Variants in DPP10 observed in about 807,000 individuals in gnomAD.
The protein encoded by DPP10 is inactive dipeptidyl peptidase 10.
In DPP10, 33 loss-of-function variants were observed where a neutral mutation model predicts 120.9. The ratio of observed to expected loss-of-function variants is 0.27; its 90% CI spans 0.21 to 0.37. The LOEUF is 0.37. Among genes scored for constraint, DPP10 ranks in the 10% least tolerant of loss-of-function variants. The pLI is 1.00. For missense variants in DPP10, 816 were observed against 942.8 expected, an observed-to-expected ratio of 0.87 and a Z score of 1.76; for synonymous variants, 337 against 326.1, an observed-to-expected ratio of 1.03 and a Z score of -0.36.
At chr2:114,957,098 A>T (rs1205531858) in intron 1 of DPP10, among the ~76,000 whole-genome samples, 9 of 152,082 alleles carry the variant, frequency 5.9e-5, no homozygotes, top group African/African-American at 1.9e-4. Context: ...CGTGAAAATA[A>T]AAAGCTTCTG....
At position 115,842,358 on chromosome 2, in the gene DPP10, A is replaced by G; in HGVS notation, c.*13A>G. 1.9e-6 allele frequency: 3 copies of G among 1,611,336 alleles called. No homozygotes were observed. Among genetic ancestry groups the G allele is most frequent in the Non-Finnish European group, 2.5e-6 (3 of 1,178,350 alleles). ...AGAAGATGAATAATGGACTGTATTT[A>G]TACAGAACTGAAGGGAATATTGAGG... On this transcript the variant is annotated 3_prime_UTR_variant, in exon 26 of 26. Transcript: ENST00000410059.
At chr2:114,692,767 A>G (rs1218958538) in intron 1 of DPP10, among the ~76,000 whole-genome samples, 1 of 152,006 alleles carries the variant, frequency 6.6e-6, no homozygotes, top group Non-Finnish European at 1.5e-5. Flanking sequence ...GTGCTCCTGT[A>G]TTGGGTGCAT....
intron 5 of DPP10, among the ~76,000 whole-genome samples, chr2:115,665,187 G>T (rs1419791829): frequency 6.6e-6 from 1 of 152,144 alleles, no homozygotes; most frequent in Non-Finnish European, 1.5e-5. Context: ...GTAATTAGTA[G>T]TGTCTCATGG....
chr2:115,043,382 C>T (rs943188590), intron 1 of DPP10, among the ~76,000 whole-genome samples: 1 of 152,118 alleles, frequency 6.6e-6, no homozygotes. Flanking sequence ...AGAGAGAGAC[C>T]TCATGGTTTT....
intron 21 of DPP10, among the ~76,000 whole-genome samples, chr2:115,828,922 T>C (rs1688652056): frequency 1.3e-5 from 2 of 152,178 alleles, no homozygotes; most frequent in Admixed American, 1.3e-4. Flanking sequence ...TATGAACATA[T>C]ATATTTGTTT....
At chr2:115,435,041 C>T (rs2071359627) in intron 3 of DPP10, among the ~76,000 whole-genome samples, 1 of 76,676 alleles carries the variant, frequency 1.3e-5, no homozygotes, top group Non-Finnish European at 2.7e-5. Context: ...TATTTCTATA[C>T]ACATGCACAC....
intron 3 of DPP10, chr2:115,468,482 T>A (rs2074472307): frequency 2.3e-6 from 1 of 434,894 alleles, no homozygotes; most frequent in Non-Finnish European, 4.6e-6. Context: ...ACCTGCTTAC[T>A]ATTGCTCTGT....
intron 1 of DPP10, among the ~76,000 whole-genome samples, chr2:114,976,539 G>A (rs374121382): frequency 2.6e-5 from 4 of 152,110 alleles, no homozygotes; most frequent in African/African-American, 9.7e-5. Flanking sequence ...TAATGTAACT[G>A]GAAATAACAC....
chr2:115,614,202 G>A (rs1018365725), intron 5 of DPP10, among the ~76,000 whole-genome samples: 4 of 152,140 alleles, frequency 2.6e-5, no homozygotes, highest in Non-Finnish European at 4.4e-5. Context: ...TTATTTTAGA[G>A]ACCAGCTCTC....
rs572852833 is a variant in DPP10, at chr2:115,455,969, G to A, written c.272-43541G>A. 5.3e-5 allele frequency among the ~76,000 whole-genome samples: 8 copies of A among 152,170 alleles called. 1 individual carries two copies. The South Asian group carries it at 1.7e-3, about 32-fold the overall frequency. On this transcript the variant is annotated intron_variant, in intron 3 of 25. Transcript: ENST00000410059. Reference sequence around the variant, plus strand: ...AACAAAAGCCACAATTGACAAATGGGATCTAACTAAACTAAAGAGTTTCTG... The same window carrying A: ...AACAAAAGCCACAATTGACAAATGGAATCTAACTAAACTAAAGAGTTTCTG...
chr2:115,366,355 C>T (rs1287075100), intron 3 of DPP10, among the ~76,000 whole-genome samples: 2 of 152,046 alleles, frequency 1.3e-5, no homozygotes, highest in African/African-American at 2.4e-5. Flanking sequence ...ACCACTGCTG[C>T]TATTGAAATT....
chr2:115,376,855 T>C (rs2065841942), intron 3 of DPP10, among the ~76,000 whole-genome samples: 1 of 150,338 alleles, frequency 6.7e-6, no homozygotes, highest in South Asian at 2.1e-4. Flanking sequence ...TCCAATTTCA[T>C]CCATGTCCCT....
chr2:115,817,572 A>C (rs1052556390), intron 21 of DPP10, among the ~76,000 whole-genome samples: 1 of 152,222 alleles, frequency 6.6e-6, no homozygotes. Context: ...TGTTGTCAGC[A>C]ATATTCAACA....
chr2:115,649,985 G>A (rs1017356406), intron 5 of DPP10, among the ~76,000 whole-genome samples: 4 of 152,116 alleles, frequency 2.6e-5, no homozygotes, highest in African/African-American at 7.2e-5. Flanking sequence ...TGTGCCAAAT[G>A]TGCCAATTCA....
intron 1 of DPP10, among the ~76,000 whole-genome samples, chr2:114,585,325 A>G (rs1690864900): frequency 6.6e-6 from 1 of 152,190 alleles, no homozygotes; most frequent in Admixed American, 6.5e-5. Flanking sequence ...CCTCCAGCGC[A>G]TTTCCCTCTC....
chr2:115,626,434 T>G (rs1485038013), intron 5 of DPP10, among the ~76,000 whole-genome samples: 1 of 152,152 alleles, frequency 6.6e-6, no homozygotes, highest in African/African-American at 2.4e-5. Context: ...AAACTCCATC[T>G]TAAATTCATC....
At chr2:114,660,734 A>G (rs1486286927) in intron 1 of DPP10, among the ~76,000 whole-genome samples, 1 of 152,232 alleles carries the variant, frequency 6.6e-6, no homozygotes, top group African/African-American at 2.4e-5. Context: ...AATAAGTTAT[A>G]AAGAATCCAA....
chr2:115,059,778 T>C (rs1559045789), intron 1 of DPP10, among the ~76,000 whole-genome samples: 1 of 151,562 alleles, frequency 6.6e-6, no homozygotes, highest in Non-Finnish European at 1.5e-5. Flanking sequence ...TCCTGATAGC[T>C]GGAAATAGAC....
At chr2:115,336,547 C>A (rs978613753) in intron 2 of DPP10, among the ~76,000 whole-genome samples, 3 of 149,816 alleles carry the variant, frequency 2.0e-5, no homozygotes, top group Non-Finnish European at 4.5e-5. Flanking sequence ...TTCAGACTTT[C>A]ATACATGTGT....
Sources: allele counts gnomAD v4.1 joint callset (sites outside exome capture counted in the v4.1 genomes callset), GRCh38; gene constraint gnomAD v4.1.1; transcripts MANE v1.5; gene names NCBI Gene and HGNC (gene_info 2026-07-23, HGNC 2026-07-21).